CDK14: variants seen among roughly 807,000 people sequenced by gnomAD.
The protein encoded by CDK14 is cyclin dependent kinase 14.
CDK14 carries 34 observed loss-of-function variants against 60.7 expected under a neutral mutation model. The ratio of observed to expected loss-of-function variants is 0.56; its 90% confidence interval spans 0.43 to 0.75. CDK14 has a LOEUF of 0.75. Ranked by LOEUF, CDK14 falls within the 30% of genes least tolerant of loss-of-function variation. The probability of loss-of-function intolerance (pLI) is 0.00; values close to 1 mark genes in which losing one functional copy is unlikely to be tolerated. For missense variants in CDK14, 482 were observed against 564.1 expected, an observed-to-expected ratio of 0.85 and a Z score of 1.47; for synonymous variants, 197 against 203.7, an observed-to-expected ratio of 0.97 and a Z score of 0.28.
At chr7:90,717,904 G>A (rs1179301161) in intron 2 of CDK14, among the ~76,000 whole-genome samples, 1 of 152,010 alleles carries the variant, frequency 6.6e-6, no homozygotes, top group South Asian at 2.1e-4. Flanking sequence ...ACAAACACGT[G>A]AGAAACAGTG....
At chr7:90,997,146 C>G (rs1795710162) in intron 10 of CDK14, among the ~76,000 whole-genome samples, 4 of 152,182 alleles carry the variant, frequency 2.6e-5, no homozygotes, top group Admixed American at 2.6e-4. Context: ...TCTCTTTGCC[C>G]AAACTTTCTG....
rs143387677 is a variant in CDK14 at position 91,054,057 on chromosome 7, T to C, written c.1105+8097T>C. 3.2e-3 allele frequency among the ~76,000 whole-genome samples: 480 copies of C among 151,280 alleles called. 6 individuals carry two copies. Among genetic ancestry groups the C allele is most frequent in the African/African-American group, 0.011 (460 of 41,208 alleles). On this transcript the variant is annotated intron_variant, in intron 11 of 14. Coordinates refer to ENST00000380050, the MANE Select transcript of CDK14 (RefSeq NM_001287135.2). ...GACATAATTGATATAAAAGTACTTT[T>C]AAACTGTTAGGGGCATGTAACTGCA... is the stretch of plus-strand genomic sequence containing the variant.
chr7:90,854,167 A>G (rs1790743354), intron 5 of CDK14, among the ~76,000 whole-genome samples: 1 of 152,226 alleles, frequency 6.6e-6, no homozygotes, highest in Non-Finnish European at 1.5e-5. Context: ...GTAAAAGCAT[A>G]CAACAATAGC....
chr7:91,095,059 C>G (rs1798940478), intron 12 of CDK14, among the ~76,000 whole-genome samples: 1 of 152,166 alleles, frequency 6.6e-6, no homozygotes, highest in African/African-American at 2.4e-5. Flanking sequence ...AATGCTGTTT[C>G]CACTCTTATA....
At position 91,158,408 on chromosome 7, in the gene CDK14, G is replaced by T. The variant is rs142149547; in HGVS notation, c.*28+40200G>T. The stretch of plus-strand genomic sequence containing the variant: ...TTCTTTTTATTTTTTATACGCACAG[G>T]GTTTTGCCGTGTTTCTCAAGCTAGT... On this transcript the variant is annotated intron_variant, in intron 14 of 14. Coordinates refer to ENST00000380050, the MANE Select transcript of CDK14 (RefSeq NM_001287135.2). Among the ~76,000 whole-genome samples, 315 of 151,622 alleles carry T rather than the reference G, an allele frequency of 2.1e-3. 2 individuals are homozygous for T. Among genetic ancestry groups the T allele is most frequent in the African/African-American group, 7.1e-3 (294 of 41,336 alleles).
intron 5 of CDK14, among the ~76,000 whole-genome samples, chr7:90,828,038 C>T (rs531432386): frequency 1.1e-4 from 17 of 152,258 alleles, no homozygotes; most frequent in East Asian, 5.8e-4. Flanking sequence ...CTGTCTTAAA[C>T]GTAATACTTT....
intron 14 of CDK14, among the ~76,000 whole-genome samples, chr7:91,137,602 A>C (rs558084243): frequency 4.6e-5 from 7 of 152,104 alleles, no homozygotes; most frequent in Non-Finnish European, 8.8e-5. Context: ...CAGGAAGTTA[A>C]CTACATGCAC....
At chr7:90,795,296 C>T (rs1806013218) in intron 5 of CDK14, among the ~76,000 whole-genome samples, 2 of 152,134 alleles carry the variant, frequency 1.3e-5, no homozygotes, top group Non-Finnish European at 2.9e-5. Flanking sequence ...CAATATCCCA[C>T]AGTCTGCATT....
intron 8 of CDK14, 104 bp downstream of exon 8, chr7:90,917,828 T>A: frequency 1.7e-6 from 2 of 1,160,812 alleles, no homozygotes; most frequent in Non-Finnish European, 2.4e-6. Flanking sequence ...TCATCATAGA[T>A]CCTGGTAATT....
At chr7:90,909,074 A>C (rs1250858829) in intron 7 of CDK14, among the ~76,000 whole-genome samples, 1 of 152,176 alleles carries the variant, frequency 6.6e-6, no homozygotes, top group Non-Finnish European at 1.5e-5. Flanking sequence ...TTTGTATAAA[A>C]AAGAATGGCC....
At position 90,621,613 on chromosome 7, in the gene CDK14, TTTCCTTCCTTCCTTCC is replaced by T. The variant is rs3835010; in HGVS notation, c.123+17406_123+17421del. 2.2e-3 allele frequency among the ~76,000 whole-genome samples: 287 copies of T among 128,352 alleles called. 2 individuals carry two copies. The highest frequency in any genetic ancestry group is 3.9e-3 in the Middle Eastern group (1 of 254). The allele number at this position is 128,352 out of a possible 152,430, so 84.2% of individuals were successfully genotyped here. A position where few individuals can be genotyped will look rare whatever the true frequency, so the allele number is the denominator to read the frequency against. ...ATTTGTTCCCATAATTCAGACTTTT[TTTCCTTCCTTCCTTCC>T]TTCCTTCCTTCCTTCCTTCCTTCCT... On this transcript the variant is annotated intron_variant, in intron 2 of 14. Coordinates refer to ENST00000380050, the MANE Select transcript of CDK14 (RefSeq NM_001287135.2).
intron 14 of CDK14, among the ~76,000 whole-genome samples, chr7:91,205,688 T>C (rs114991796): frequency 0.013 from 1,913 of 152,378 alleles, 51 homozygotes; most frequent in African/African-American, 0.043. Flanking sequence ...ATTTTTTATA[T>C]AAATTTTGCT....
At chr7:90,930,317 A>G (rs763870011) in intron 8 of CDK14, among the ~76,000 whole-genome samples, 1 of 152,222 alleles carries the variant, frequency 6.6e-6, no homozygotes, top group Non-Finnish European at 1.5e-5. Flanking sequence ...TTGATAAATC[A>G]AGTGCTTTGT....
At chr7:90,730,588 G>A (rs1485986747) in intron 3 of CDK14, among the ~76,000 whole-genome samples, 1 of 152,106 alleles carries the variant, frequency 6.6e-6, no homozygotes, top group Admixed American at 6.5e-5. Context: ...GTTTTGATTT[G>A]CATTTCTCTA....
intron 14 of CDK14, among the ~76,000 whole-genome samples, chr7:91,119,340 G>A (rs938634496): frequency 6.6e-5 from 10 of 152,088 alleles, no homozygotes; most frequent in African/African-American, 2.2e-4. Context: ...AATTACCTGG[G>A]CGTGGTGGTG....
chr7:90,707,097 C>G (rs1010005230), intron 2 of CDK14, among the ~76,000 whole-genome samples: 1 of 152,148 alleles, frequency 6.6e-6, no homozygotes, highest in Non-Finnish European at 1.5e-5. Context: ...GATCTATCAT[C>G]TGAGCTCCAG....
chr7:90,822,058 A>G (rs570099695), intron 5 of CDK14, among the ~76,000 whole-genome samples: 1 of 152,250 alleles, frequency 6.6e-6, no homozygotes, highest in African/African-American at 2.4e-5. Context: ...GTGTAATTCT[A>G]TTATTCATTG....
intron 14 of CDK14, among the ~76,000 whole-genome samples, chr7:91,123,400 T>G (rs1799842174): frequency 6.6e-6 from 1 of 152,168 alleles, no homozygotes; most frequent in Non-Finnish European, 1.5e-5. Flanking sequence ...AAATGACGCT[T>G]AGAGGGGAAA....
At chr7:90,640,178 A>G (rs1412940168) in intron 2 of CDK14, among the ~76,000 whole-genome samples, 2 of 152,020 alleles carry the variant, frequency 1.3e-5, no homozygotes, top group African/African-American at 2.4e-5. Context: ...CCGGTACCTC[A>G]GATGGAAATG....
Sources: allele counts gnomAD v4.1 joint callset (sites outside exome capture counted in the v4.1 genomes callset), GRCh38; gene constraint gnomAD v4.1.1; transcripts MANE v1.5; gene names NCBI Gene and HGNC (gene_info 2026-07-23, HGNC 2026-07-21).